The following ACAD10 variants were observed in gnomAD, a reference collection of about 807,000 sequenced individuals.
The protein encoded by ACAD10 is acyl-CoA dehydrogenase family member 10.
Under a neutral mutation model 116.8 loss-of-function variants are expected in ACAD10, and 112 were observed. The ratio of observed to expected loss-of-function variants is 0.96; its 90% CI spans 0.82 to 1.12. The LOEUF is 1.12. Ranked by LOEUF, ACAD10 falls within the 50% of genes most tolerant of loss-of-function variation. The probability of loss-of-function intolerance (pLI) is 0.00; values close to 1 mark genes in which losing one functional copy is unlikely to be tolerated. For missense variants in ACAD10, 1,259 were observed against 1,350.2 expected (o/e 0.93, Z 1.06); for synonymous variants, 486 against 510.6 (o/e 0.95, Z 0.65).
At chr12:111,723,481 C>T (rs1194234002) in intron 8 of ACAD10, among the ~76,000 whole-genome samples, 1 of 143,710 alleles carries the variant, frequency 7.0e-6, no homozygotes, top group Non-Finnish European at 1.5e-5. Context: ...ACCCCCCCGC[C>T]TCCCTCCCGG....
chr12:111,686,721 A>C (rs1887869884), intron 1 of ACAD10, among the ~76,000 whole-genome samples: 1 of 152,234 alleles, frequency 6.6e-6, no homozygotes, highest in African/African-American at 2.4e-5. Flanking sequence ...CGTCTCAAAA[A>C]AAAGAGAGAA....
chr12:111,693,177 A>T, intron 2 of ACAD10: 1 of 417,878 alleles, frequency 2.4e-6, no homozygotes, highest in Non-Finnish European at 4.4e-6. Flanking sequence ...CTTGCTTAGC[A>T]CAGTGATTGC....
At chr12:111,730,947 C>T (rs1363342756) in intron 10 of ACAD10, among the ~76,000 whole-genome samples, 2 of 151,940 alleles carry the variant, frequency 1.3e-5, no homozygotes, top group African/African-American at 4.8e-5. Flanking sequence ...TCCAAAAATA[C>T]AATACATTTT....
intron 3 of ACAD10, among the ~76,000 whole-genome samples, chr12:111,704,860 T>C (rs1240298181): frequency 6.6e-6 from 1 of 151,470 alleles, no homozygotes; most frequent in Non-Finnish European, 1.5e-5. Flanking sequence ...GCTAATTTTT[T>C]GCATTTTTAG....
chr12:111,696,273 G>A (rs769951544), intron 2 of ACAD10, among the ~76,000 whole-genome samples: 2 of 151,754 alleles, frequency 1.3e-5, no homozygotes, highest in Non-Finnish European at 2.9e-5. Context: ...AGCTAGTGTC[G>A]AACTCCCGGG....
chr12:111,750,563 G>A (rs1321180617), intron 18 of ACAD10, among the ~76,000 whole-genome samples: 1 of 152,122 alleles, frequency 6.6e-6, no homozygotes, highest in Non-Finnish European at 1.5e-5. Flanking sequence ...TCCAGCCTGG[G>A]TGACAGAGTG....
rs548882851 is a variant in ACAD10 at position 111,687,562 on chromosome 12, C to T, written c.-14+1323C>T. On this transcript the variant is annotated intron_variant, in intron 1 of 20. Transcript: ENST00000313698. ...GTTATGTGAAAGTGCATAAACCATA[C>T]ACACATACTGTATGCATAAAACCTA... Among the ~76,000 whole-genome samples the T allele has an allele frequency of 6.6e-5, 10 of 152,302 alleles. No homozygotes were observed. In the East Asian group the frequency reaches 1.7e-3, roughly 26 times the overall value.
At chr12:111,731,409 T>G (rs1399736732) in intron 10 of ACAD10, among the ~76,000 whole-genome samples, 1 of 152,230 alleles carries the variant, frequency 6.6e-6, no homozygotes, top group Non-Finnish European at 1.5e-5. Flanking sequence ...ACACTTTCCT[T>G]GCCAGCCATT....
chr12:111,686,900 C>T (rs1887879162), intron 1 of ACAD10, among the ~76,000 whole-genome samples: 1 of 152,176 alleles, frequency 6.6e-6, no homozygotes, highest in African/African-American at 2.4e-5. Flanking sequence ...TGAGGTTGAC[C>T]TACATCAGCA....
intron 12 of ACAD10, 26 bp downstream of exon 12, chr12:111,737,030 C>G: frequency 6.2e-7 from 1 of 1,609,074 alleles, no homozygotes. Context: ...CCCTGAAGAG[C>G]CACTGCGGGG....
rs555685270 is a variant in ACAD10, at chr12:111,721,334, G to A, written c.993-337G>A. 1.1e-4 allele frequency among the ~76,000 whole-genome samples: 16 copies of A among 152,258 alleles called. No individual in the cohort carries two copies. In the East Asian group the frequency reaches 1.2e-3, roughly 11 times the overall value. On this transcript the variant is annotated intron_variant, in intron 7 of 20. Coordinates refer to ENST00000313698, the MANE Select transcript of ACAD10 (RefSeq NM_025247.6). ...TGTAATCCCAGGACTTTGGGAGGCC[G>A]GGGCAGGTGGATCACCTGAGGTCAG...
intron 10 of ACAD10, among the ~76,000 whole-genome samples, chr12:111,732,571 G>GTTCCAA (rs1369609263): frequency 1.3e-5 from 2 of 152,146 alleles, no homozygotes; most frequent in Admixed American, 6.6e-5. Flanking sequence ...GTGGACACAT[G>GTTCCAA]AGTTCTGTCA....
intron 8 of ACAD10, among the ~76,000 whole-genome samples, chr12:111,725,312 A>G (rs930710564): frequency 1.8e-4 from 28 of 152,208 alleles, no homozygotes; most frequent in African/African-American, 6.5e-4. Flanking sequence ...GTTTGAGACC[A>G]GCCAGGGCAA....
chr12:111,689,452 A>G (rs930849137), intron 1 of ACAD10, among the ~76,000 whole-genome samples: 11 of 150,848 alleles, frequency 7.3e-5, no homozygotes, highest in Non-Finnish European at 1.0e-4. Flanking sequence ...GTTCACTGCA[A>G]CCTCCACTTC....
At chr12:111,753,981 T>A in intron 19 of ACAD10, 66 bp downstream of exon 19, 3 of 1,513,936 alleles carry the variant, frequency 2.0e-6, no homozygotes, top group Non-Finnish European at 2.6e-6. Context: ...CAGCAAAGCA[T>A]GAGAGCCTGG....
At chr12:111,713,177 G>C (rs1283819710) in intron 6 of ACAD10, among the ~76,000 whole-genome samples, 5 of 152,094 alleles carry the variant, frequency 3.3e-5, no homozygotes, top group East Asian at 1.9e-4. Context: ...TGGGTGTGGT[G>C]GTGGGTGCCT....
chr12:111,749,152 G>A (rs776827187), intron 17 of ACAD10, 21 bp from the exon 18 acceptor site: 1 of 1,613,144 alleles, frequency 6.2e-7, no homozygotes, highest in South Asian at 1.1e-5. Context: ...ATTGCTCACA[G>A]TGATCGTTTG....
intron 17 of ACAD10, chr12:111,748,918 A>G: frequency 2.4e-6 from 3 of 1,250,954 alleles, no homozygotes; most frequent in Non-Finnish European, 3.4e-6. Context: ...TAGGAGCTTC[A>G]GCTTAAGGTG....
chr12:111,693,907 G>A (rs550089663), intron 2 of ACAD10, among the ~76,000 whole-genome samples: 1 of 152,186 alleles, frequency 6.6e-6, no homozygotes, highest in Admixed American at 6.5e-5. Flanking sequence ...GCGACTCTGT[G>A]GTATCAGGGA....
Sources: gnomAD v4.1 joint callset for allele counts (sites outside exome capture counted in the v4.1 genomes callset) on GRCh38, gnomAD v4.1.1 for gene constraint, MANE v1.5 for transcripts, NCBI Gene and HGNC (gene_info 2026-07-23, HGNC 2026-07-21) for gene names.